Variants in NSD2 observed in about 807,000 individuals in gnomAD.
NSD2 encodes nuclear receptor binding SET domain protein 2.
In NSD2, 12 loss-of-function variants were observed where a neutral mutation model predicts 139.0. That is an observed-to-expected ratio of 0.09 (90% CI 0.06 to 0.14). NSD2 has a LOEUF of 0.14. NSD2 is among the 10% of genes least tolerant of loss of function. The pLI is 1.00. For synonymous variants in NSD2, 669 were observed against 648.7 expected, an observed-to-expected ratio of 1.03 and a Z score of -0.48; for missense variants, 1,155 against 1,745.0, an observed-to-expected ratio of 0.66 and a Z score of 6.02.
chr4:1,963,966 C>G (rs1020577333), intron 18 of NSD2, among the ~76,000 whole-genome samples: 2 of 152,182 alleles, frequency 1.3e-5, no homozygotes, highest in Non-Finnish European at 2.9e-5. Context: ...TCAATATATT[C>G]CAGCCTGGGG....
rs539554597 is a variant in NSD2, at chr4:1,915,324, C to T, written c.761-1547C>T. On this transcript the variant is annotated intron_variant, in intron 3 of 21. Coordinates refer to ENST00000508803, the MANE Select transcript of NSD2 (RefSeq NM_001042424.3). Reference sequence around the variant, plus strand: ...AGAAATGGGATTTCACCGTGTTAGCCAGGATGGTCTCGATTTCCTGACCTC... The same window carrying T: ...AGAAATGGGATTTCACCGTGTTAGCTAGGATGGTCTCGATTTCCTGACCTC... Among the ~76,000 whole-genome samples, 13 of 152,076 alleles carry T rather than the reference C, an allele frequency of 8.5e-5. No individual in the cohort carries two copies. The South Asian group carries it at 1.5e-3, about 17-fold the overall frequency.
chr4:1,916,161 C>G lies in NSD2; in HGVS notation c.761-710C>G, dbSNP rs111266494. ...CTAGCACTGTGAGATAGGGGGGTAG[C>G]TAGCTGGTAGGTAGCAGGGCTGGGA... On this transcript the variant is annotated intron_variant, in intron 3 of 21. Transcript: ENST00000508803. Among the ~76,000 whole-genome samples, 878 of 152,186 alleles carry G rather than the reference C, an allele frequency of 5.8e-3. 9 individuals are homozygous for G. The highest frequency in any genetic ancestry group is 0.02 in the African/African-American group (832 of 41,526).
At chr4:1,922,857 C>T (rs1282706548) in intron 5 of NSD2, among the ~76,000 whole-genome samples, 1 of 152,162 alleles carries the variant, frequency 6.6e-6, no homozygotes, top group African/African-American at 2.4e-5. Flanking sequence ...ACCTGATAGG[C>T]GGAGGTTGCA....
At chr4:1,938,397 TTTTCTTTTTTTTTTCTTTC>T in intron 7 of NSD2, 35 bp from the exon 8 acceptor site, 21 of 1,270,594 alleles carry the variant, frequency 1.7e-5, no homozygotes, top group Admixed American at 6.9e-5. Context: ...CCTTTTTTTC[TTTTCTTTTTTTTTTCTTTC>T]TTTTTTTTTT....
At chr4:1,950,255 G>T (rs1724068584) in intron 9 of NSD2, among the ~76,000 whole-genome samples, 1 of 152,190 alleles carries the variant, frequency 6.6e-6, no homozygotes, top group Non-Finnish European at 1.5e-5. Flanking sequence ...TATTCAGCCT[G>T]GTCTTCAGTG....
intron 1 of NSD2, 83 bp from the exon 2 acceptor site, chr4:1,900,543 A>C: frequency 1.2e-6 from 1 of 861,820 alleles, no homozygotes; most frequent in Non-Finnish European, 1.7e-6. Flanking sequence ...GACCCCACAA[A>C]GCTGTAGAGG....
At chr4:1,945,226 G>A (rs752461931) in intron 9 of NSD2, 44 of 1,066,786 alleles carry the variant, frequency 4.1e-5, no homozygotes, top group Admixed American at 1.1e-4. Flanking sequence ...GGAACAAGAC[G>A]GGGTGGGGTG....
intron 15 of NSD2, 106 bp from the exon 16 acceptor site, chr4:1,957,827 C>T: frequency 6.5e-6 from 7 of 1,085,000 alleles, no homozygotes; most frequent in Non-Finnish European, 9.3e-6. Context: ...GAACCAGAAA[C>T]TATACTTAAC....
intron 9 of NSD2, chr4:1,946,039 T>G: frequency 9.7e-7 from 1 of 1,036,146 alleles, no homozygotes; most frequent in Non-Finnish European, 1.2e-6. Flanking sequence ...CATTTTATGC[T>G]TTTAAAATCA....
chr4:1,883,839 G>T (rs749664227), intron 1 of NSD2, among the ~76,000 whole-genome samples: 57 of 152,212 alleles, frequency 3.7e-4, no homozygotes, highest in Non-Finnish European at 3.4e-4. Flanking sequence ...TAAGAAGCGA[G>T]TGTGGCCCAC....
Position 1,981,002 on chromosome 4 carries a change from C to T in NSD2, c.*2093C>T, listed in dbSNP as rs940207524. 3 of 233,182 alleles carry T rather than the reference C, an allele frequency of 1.3e-5. No homozygotes were observed. The highest frequency in any genetic ancestry group is 2.2e-5 in the African/African-American group (1 of 45,352). The allele number at this position is 233,182 out of a possible 1,614,324, so 14.4% of individuals were successfully genotyped here. A position where few individuals can be genotyped will look rare whatever the true frequency, so the allele number is the denominator to read the frequency against. ...CTGTCACTTGCCCAAAAGATCCCTT[C>T]CGGCAGGTAAGGGACTACCAATGCT... On this transcript the variant is annotated 3_prime_UTR_variant, in exon 22 of 22. Coordinates refer to ENST00000508803, the MANE Select transcript of NSD2 (RefSeq NM_001042424.3).
At chr4:1,893,121 G>A (rs1406682878) in intron 1 of NSD2, among the ~76,000 whole-genome samples, 1 of 151,964 alleles carries the variant, frequency 6.6e-6, no homozygotes, top group Non-Finnish European at 1.5e-5. Context: ...AATCCCTTCC[G>A]TTCTTTGTCC....
chr4:1,931,912 C>A (rs548805744), intron 6 of NSD2, among the ~76,000 whole-genome samples: 18 of 152,298 alleles, frequency 1.2e-4, no homozygotes, highest in African/African-American at 4.3e-4. Flanking sequence ...GCCAGCTCTT[C>A]CTGAAGCCAG....
At chr4:1,904,126 G>C (rs140763584) in intron 2 of NSD2, 90 bp from the exon 3 acceptor site, 1 of 1,420,122 alleles carries the variant, frequency 7.0e-7, no homozygotes, top group African/African-American at 1.4e-5. Flanking sequence ...GTGTGTATTT[G>C]GACATTGTAG....
Position 1,928,823 on chromosome 4 carries a change from C to T in NSD2, c.1411-1803C>T, listed in dbSNP as rs550893127. Among the ~76,000 whole-genome samples the T allele has an allele frequency of 5.3e-5, 8 of 152,118 alleles. No homozygotes were observed. The South Asian group carries it at 6.2e-4, about 12-fold the overall frequency. ...GTGAGAGGCAGATGTGTTGTGGATCCGAAGCCCTGTGCAGAAACTTCCACT... is the reference window on the plus strand; with the variant it reads ...GTGAGAGGCAGATGTGTTGTGGATCTGAAGCCCTGTGCAGAAACTTCCACT... On this transcript the variant is annotated intron_variant, in intron 5 of 21. Transcript: ENST00000508803.
At chr4:1,936,453 C>T (rs894920536) in intron 7 of NSD2, among the ~76,000 whole-genome samples, 3 of 151,998 alleles carry the variant, frequency 2.0e-5, no homozygotes, top group Admixed American at 6.6e-5. Flanking sequence ...GGTGGATCAC[C>T]TGAGGTCAGG....
At chr4:1,964,473 CACAG>C (rs1185416404) in intron 18 of NSD2, among the ~76,000 whole-genome samples, 1 of 152,174 alleles carries the variant, frequency 6.6e-6, no homozygotes, top group Non-Finnish European at 1.5e-5. Flanking sequence ...ACCCATGCCC[CACAG>C]ACAGCCATGC....
intron 18 of NSD2, among the ~76,000 whole-genome samples, chr4:1,967,211 C>G (rs543526935): frequency 6.6e-6 from 1 of 152,004 alleles, no homozygotes; most frequent in Non-Finnish European, 1.5e-5. Flanking sequence ...CACAAACTAC[C>G]AAGACTAAAT....
chr4:1,918,467 A>G lies in NSD2; in HGVS notation c.1254A>G (p.Ile418Met). The stretch of plus-strand genomic sequence containing the variant: ...AGACCCTGGAGAGTCACCCCGACAT[A>G]GGGAAGAGTACTCCTCAAAAGACGG... ...SAETLESHPD[I>M]GKSTPQKTAE... The change falls in exon 5 of 22, where the codon ATA becomes ATG. Residue 418 changes from isoleucine (I) to methionine (M), a missense_variant. This residue lies in a region of NSD2 where 420 missense variants were observed against 469.0 expected (regional missense o/e 0.90). Transcript: ENST00000508803. The G allele has an allele frequency of 6.2e-7, 1 of 1,614,092 alleles. No homozygotes were observed. The highest frequency in any genetic ancestry group is 8.5e-7 in the Non-Finnish European group (1 of 1,180,014).
Sources: gnomAD v4.1 joint callset for allele counts (sites outside exome capture counted in the v4.1 genomes callset) on GRCh38, gnomAD v4.1.1 for gene constraint, gnomAD v4.1.1 regional missense constraint, MANE v1.5 for transcripts, NCBI Gene and HGNC (gene_info 2026-07-23, HGNC 2026-07-21) for gene names.